The following SHOC2 variants were observed in gnomAD, a reference collection of about 807,000 sequenced individuals.
SHOC2 encodes the protein SHOC2 leucine rich repeat scaffold protein.
In SHOC2, 4 loss-of-function variants were observed where a neutral mutation model predicts 50.2. The ratio of observed to expected loss-of-function variants is 0.08; its 90% CI spans 0.04 to 0.18. The LOEUF is 0.18. Among genes scored for constraint, SHOC2 ranks in the 10% least tolerant of loss-of-function variants. The pLI, the probability that SHOC2 is intolerant of heterozygous loss-of-function variation, is 1.00. For synonymous variants in SHOC2, 218 were observed against 244.5 expected, an observed-to-expected ratio of 0.89 and a Z score of 1.01; for missense variants, 388 against 669.6, an observed-to-expected ratio of 0.58 and a Z score of 4.64.
chr10:110,974,309 A>G (rs1847836374), intron 2 of SHOC2, among the ~76,000 whole-genome samples: 1 of 151,994 alleles, frequency 6.6e-6, no homozygotes, highest in Admixed American at 6.5e-5. Flanking sequence ...AGAGATTTTC[A>G]GATTTTTTTT....
intron 3 of SHOC2, among the ~76,000 whole-genome samples, 169 bp from the exon 4 acceptor site, chr10:111,000,246 A>G (rs141593770): frequency 2.2e-4 from 33 of 152,280 alleles, no homozygotes; most frequent in African/African-American, 7.9e-4. Context: ...AGTGATTTCA[A>G]TTTCATCCTA....
Position 111,009,270 on chromosome 10 carries a change from T to C in SHOC2, c.1307T>C (p.Leu436Pro). ...SLEVLILSNN[L>P]LKKLPHGLGN... ...TAGGTTCTTATCTTATCAAACAATCTTCTAAAGAAGCTTCCCCATGGTCTT... is the reference window on the plus strand; with the variant it reads ...TAGGTTCTTATCTTATCAAACAATCCTCTAAAGAAGCTTCCCCATGGTCTT... The change falls in exon 7 of 9, where the codon CTT becomes CCT. Residue 436 changes from leucine (L) to proline (P), a missense_variant. Leu to Pro is a moderately conservative substitution (Grantham distance 98, BLOSUM62 -3). This residue lies in a region of SHOC2 where 130 missense variants were observed against 208.6 expected (regional missense o/e 0.62). Coordinates refer to ENST00000369452, the MANE Select transcript of SHOC2 (RefSeq NM_007373.4). 1 of 1,578,930 alleles carries C rather than the reference T, an allele frequency of 6.3e-7. No homozygotes were observed. Among genetic ancestry groups the C allele is most frequent in the Non-Finnish European group, 8.7e-7 (1 of 1,148,632 alleles).
At chr10:110,980,135 G>A (rs563555750) in intron 2 of SHOC2, among the ~76,000 whole-genome samples, 27 of 150,492 alleles carry the variant, frequency 1.8e-4, no homozygotes, top group Middle Eastern at 3.5e-3. Context: ...TCTGAAAAGC[G>A]TTGTTCTACC....
At chr10:110,929,757 C>T (rs891144898) in intron 1 of SHOC2, among the ~76,000 whole-genome samples, 16 of 152,140 alleles carry the variant, frequency 1.1e-4, no homozygotes, top group Non-Finnish European at 2.4e-4. Context: ...AAGTACCTCC[C>T]AAAGGTCCCA....
chr10:110,952,355 C>T lies in SHOC2; in HGVS notation c.-234-11770C>T, dbSNP rs528325380. 6.6e-5 allele frequency among the ~76,000 whole-genome samples: 10 copies of T among 152,262 alleles called. No individual in the cohort carries two copies. The South Asian group carries it at 2.1e-3, about 32-fold the overall frequency. On this transcript the variant is annotated intron_variant, in intron 1 of 8. Transcript: ENST00000369452. ...ACATTCATTATTATTGATGAACTTG[C>T]ATTAACATATTATCACAGAAAGTGC... is the stretch of plus-strand genomic sequence containing the variant.
intron 4 of SHOC2, among the ~76,000 whole-genome samples, chr10:111,002,383 CA>C (rs781084026): frequency 1.6e-4 from 25 of 152,170 alleles, no homozygotes; most frequent in Non-Finnish European, 3.4e-4. Flanking sequence ...AAGTGGTTTT[CA>C]ATAAGGGCAT....
intron 2 of SHOC2, among the ~76,000 whole-genome samples, chr10:110,977,911 T>G (rs1847906165): frequency 6.6e-6 from 1 of 152,230 alleles, no homozygotes; most frequent in African/African-American, 2.4e-5. Flanking sequence ...TTTGGTAGTC[T>G]GTTTGTACCT....
chr10:110,987,211 T>TA (rs1848095147), intron 3 of SHOC2, among the ~76,000 whole-genome samples: 1 of 152,244 alleles, frequency 6.6e-6, no homozygotes, highest in Non-Finnish European at 1.5e-5. Flanking sequence ...GCTTAGTCAT[T>TA]ACGTTGTTAA....
intron 1 of SHOC2, chr10:110,936,588 C>CCTTTTTTTTTTT: frequency 6.2e-6 from 2 of 320,828 alleles, no homozygotes; most frequent in East Asian, 1.4e-4. Context: ...CTTTTCTTTT[C>CCTTTTTTTTTTT]CTTTTTTTTT....
At position 110,985,665 on chromosome 10, in the gene SHOC2, C is replaced by T. The variant is rs1264093977; in HGVS notation, c.741C>T (p.His247=). 2.5e-6 allele frequency: 4 copies of T among 1,611,870 alleles called. No individual in the cohort carries two copies. The highest frequency in any genetic ancestry group is 1.3e-5 in the African/African-American group (1 of 74,570). The change falls in exon 3 of 9, where the codon CAC becomes CAT. Residue 247 remains histidine (H), a synonymous_variant. Transcript: ENST00000369452. ...ACCTCATTACGCTGGATGTAGCTCA[C>T]AATCAACTTGAACACCTTCCAAAGG... ...LCNLITLDVA[H]NQLEHLPKEI...
chr10:110,949,704 T>C (rs1387712482), intron 1 of SHOC2, among the ~76,000 whole-genome samples: 5 of 152,138 alleles, frequency 3.3e-5, no homozygotes, highest in Admixed American at 3.3e-4. Context: ...CTAAACTGAA[T>C]TCAGCAACAC....
chr10:111,008,648 T>C lies in SHOC2; in HGVS notation c.1285-600T>C, dbSNP rs117315429. Among the ~76,000 whole-genome samples, 675 of 152,268 alleles carry C rather than the reference T, an allele frequency of 4.4e-3. 1 individual carries two copies. Among genetic ancestry groups the C allele is most frequent in the South Asian group, 7.0e-3 (34 of 4,832 alleles). ...TCCATCTTACTGTATATATTTATTATGGGTGGTGTAACATTAGGGAAAATA... is the reference window on the plus strand; with the variant it reads ...TCCATCTTACTGTATATATTTATTACGGGTGGTGTAACATTAGGGAAAATA... On this transcript the variant is annotated intron_variant, in intron 6 of 8. Coordinates refer to ENST00000369452, the MANE Select transcript of SHOC2 (RefSeq NM_007373.4).
At chr10:111,005,283 CA>C (rs1848447576) in intron 5 of SHOC2, among the ~76,000 whole-genome samples, 1 of 151,880 alleles carries the variant, frequency 6.6e-6, no homozygotes, top group African/African-American at 2.4e-5. Flanking sequence ...CCCATCCCCC[CA>C]AAAAAGGAAA....
intron 1 of SHOC2, among the ~76,000 whole-genome samples, chr10:110,945,902 AT>A (rs1238605001): frequency 1.3e-5 from 2 of 152,026 alleles, no homozygotes; most frequent in Non-Finnish European, 2.9e-5. Context: ...TCAGGTTCTG[AT>A]TCTCTGTGTT....
intron 4 of SHOC2, among the ~76,000 whole-genome samples, chr10:111,003,005 T>G (rs1848407740): frequency 6.6e-6 from 1 of 152,190 alleles, no homozygotes; most frequent in African/African-American, 2.4e-5. Flanking sequence ...CCTGTAGAGA[T>G]TTTTCCTGAA....
chr10:110,964,504 A>T lies in SHOC2; in HGVS notation c.146A>T (p.Asp49Val), dbSNP rs982479360. 1.1e-5 allele frequency: 17 copies of T among 1,613,984 alleles called. No homozygotes were observed. The highest frequency in any genetic ancestry group is 1.4e-5 in the Non-Finnish European group (16 of 1,180,008). The change falls in exon 2 of 9, where the codon GAT becomes GTT. Residue 49 changes from aspartate to valine, a missense_variant. Asp to Val is a radical substitution (Grantham distance 152, BLOSUM62 -3). Transcript: ENST00000369452. The surrounding 1 kb of genome is among the most constrained non-coding windows in gnomAD (Gnocchi z 4.9). ...KEKEPKTKGKDAKDGKKDSSA... is the reference protein window; with the variant it reads ...KEKEPKTKGKVAKDGKKDSSA... Reference sequence around the variant, plus strand: ...AAAGAACCTAAGACCAAAGGGAAAGATGCCAAAGATGGAAAGAAGGACTCC... The same window carrying T: ...AAAGAACCTAAGACCAAAGGGAAAGTTGCCAAAGATGGAAAGAAGGACTCC...
chr10:110,981,858 A>T (rs1448755792), intron 2 of SHOC2, among the ~76,000 whole-genome samples: 4 of 1,482 alleles, frequency 2.7e-3, no homozygotes, highest in Non-Finnish European at 0.01. Flanking sequence ...TTATTTATTT[A>T]TTTATTTATT....
intron 1 of SHOC2, among the ~76,000 whole-genome samples, chr10:110,922,072 A>C (rs1272436386): frequency 6.6e-6 from 1 of 152,126 alleles, no homozygotes. Context: ...CTGAACTACA[A>C]GCCAGTTGGA....
intron 5 of SHOC2, among the ~76,000 whole-genome samples, chr10:111,005,762 T>G (rs1241640218): frequency 6.6e-6 from 1 of 152,226 alleles, no homozygotes; most frequent in African/African-American, 2.4e-5. Context: ...TAATTTGTAC[T>G]GGACAAACTT....
Sources: allele counts gnomAD v4.1 joint callset (sites outside exome capture counted in the v4.1 genomes callset), GRCh38; gene constraint gnomAD v4.1.1; regional missense constraint gnomAD v4.1.1; non-coding constraint Gnocchi (gnomAD v3.1); transcripts MANE v1.5; gene names NCBI Gene and HGNC (gene_info 2026-07-23, HGNC 2026-07-21).